The following KDM4C variants were observed in gnomAD, a reference collection of about 807,000 sequenced individuals.
KDM4C encodes lysine demethylase 4C.
In KDM4C, 81 loss-of-function variants were observed where a neutral mutation model predicts 129.3. The observed-to-expected ratio is 0.63, with a 90% confidence interval of 0.52 to 0.75. KDM4C has a LOEUF of 0.75. KDM4C is among the 30% of genes least tolerant of loss of function. The pLI, the probability that KDM4C is intolerant of heterozygous loss-of-function variation, is 0.00. For synonymous variants in KDM4C, 573 were observed against 456.1 expected (o/e 1.26, Z -3.26); for missense variants, 1,457 against 1,304.0 (o/e 1.12, Z -1.81).
intron 19 of KDM4C, among the ~76,000 whole-genome samples, chr9:7,150,943 G>A (rs929884747): frequency 3.3e-5 from 5 of 152,048 alleles, no homozygotes; most frequent in East Asian, 1.9e-4. Flanking sequence ...AACAACCTCC[G>A]TCTCTGGGAC....
chr9:6,842,403 C>T (rs371533012), intron 4 of KDM4C, among the ~76,000 whole-genome samples: 6 of 148,340 alleles, frequency 4.0e-5, no homozygotes, highest in South Asian at 2.1e-4. Context: ...ACTGCAACCT[C>T]GGCTCACTGC....
intron 1 of KDM4C, among the ~76,000 whole-genome samples, chr9:6,759,543 T>C (rs1307081819): frequency 2.0e-5 from 3 of 152,200 alleles, no homozygotes; most frequent in Non-Finnish European, 4.4e-5. Flanking sequence ...AATTTCAGTG[T>C]TATGAAAAGT....
At chr9:6,910,446 A>G (rs535855837) in intron 8 of KDM4C, among the ~76,000 whole-genome samples, 91 of 152,332 alleles carry the variant, frequency 6.0e-4, no homozygotes, top group African/African-American at 2.1e-3. Flanking sequence ...GTCCCTCCAC[A>G]CCAAAATTAG....
intron 8 of KDM4C, among the ~76,000 whole-genome samples, chr9:6,942,833 T>G (rs1826200536): frequency 6.6e-6 from 1 of 152,218 alleles, no homozygotes; most frequent in Non-Finnish European, 1.5e-5. Context: ...AAGGATAGTC[T>G]TAAATGCTGA....
At chr9:7,003,417 A>G (rs1821091315) in intron 12 of KDM4C, among the ~76,000 whole-genome samples, 2 of 150,524 alleles carry the variant, frequency 1.3e-5, no homozygotes, top group Non-Finnish European at 3.0e-5. Context: ...CAGAGGTAGC[A>G]TAATTATCAT....
rs142916010 is a variant in KDM4C at position 7,077,923 on chromosome 9, T to G, written c.2425-25762T>G. Among the ~76,000 whole-genome samples, 8 of 152,324 alleles carry G rather than the reference T, an allele frequency of 5.3e-5. No homozygotes were observed. In the East Asian group the frequency reaches 1.5e-3, roughly 29 times the overall value. ...CTCAGGTGTTTTGGCCAGCAGATAT[T>G]TAGGCTCTGGGATCAAAGACCTCCA... is the stretch of plus-strand genomic sequence containing the variant. On this transcript the variant is annotated intron_variant, in intron 17 of 21. Coordinates refer to ENST00000381309, the MANE Select transcript of KDM4C (RefSeq NM_015061.6).
chr9:6,814,600 T>TA lies in KDM4C; in HGVS notation c.321-31_321-30insA, dbSNP rs748109069. The TA allele has an allele frequency of 5.5e-5, 75 of 1,357,900 alleles. 1 individual carries two copies. The Middle Eastern group carries it at 3.3e-3, about 59-fold the overall frequency. 84.1% of individuals were successfully genotyped at this position (1,357,900 alleles called of 1,614,324 possible). A position where few individuals can be genotyped will look rare whatever the true frequency, so the allele number is the denominator to read the frequency against. ...AAAAACCCTAAAACTGACTTACTGGTTTGTACATTTTTGTCATCTACCTTT... is the reference window on the plus strand; with the variant it reads ...AAAAACCCTAAAACTGACTTACTGGTATTGTACATTTTTGTCATCTACCTTT... On this transcript the variant is annotated intron_variant, in intron 3 of 21. Coordinates refer to ENST00000381309, the MANE Select transcript of KDM4C (RefSeq NM_015061.6).
chr9:6,966,190 CT>C (rs1237045825), intron 8 of KDM4C, among the ~76,000 whole-genome samples: 90 of 147,522 alleles, frequency 6.1e-4, no homozygotes, highest in Non-Finnish European at 7.2e-4. Context: ...ACTCCTAATA[CT>C]TTTTTTTTTT....
chr9:6,971,369 A>G (rs1334181028), intron 8 of KDM4C, among the ~76,000 whole-genome samples: 1 of 152,208 alleles, frequency 6.6e-6, no homozygotes, highest in African/African-American at 2.4e-5. Flanking sequence ...GTGCCTGTGA[A>G]TATGAGGAAA....
intron 4 of KDM4C, among the ~76,000 whole-genome samples, chr9:6,830,384 C>A (rs990336437): frequency 6.6e-6 from 1 of 152,086 alleles, no homozygotes; most frequent in Non-Finnish European, 1.5e-5. Context: ...CTTCCCACAC[C>A]CCAGCATCCT....
At chr9:6,901,134 A>G (rs1374700354) in intron 8 of KDM4C, among the ~76,000 whole-genome samples, 1 of 152,220 alleles carries the variant, frequency 6.6e-6, no homozygotes, top group Non-Finnish European at 1.5e-5. Context: ...ATTACCCAGA[A>G]GAGAAAGCAG....
At chr9:6,746,895 A>G (rs1224784428) in intron 1 of KDM4C, among the ~76,000 whole-genome samples, 3 of 148,214 alleles carry the variant, frequency 2.0e-5, no homozygotes, top group Non-Finnish European at 1.5e-5. Flanking sequence ...AGTCCCAGCT[A>G]CTCGGGAGGC....
At chr9:6,865,891 C>T (rs987141782) in intron 5 of KDM4C, among the ~76,000 whole-genome samples, 1 of 152,130 alleles carries the variant, frequency 6.6e-6, no homozygotes, top group African/African-American at 2.4e-5. Context: ...GCTGGGACTA[C>T]AGGCGCCCGC....
At chr9:7,066,173 A>G (rs1332041805) in intron 17 of KDM4C, among the ~76,000 whole-genome samples, 1 of 152,168 alleles carries the variant, frequency 6.6e-6, no homozygotes, top group Non-Finnish European at 1.5e-5. Flanking sequence ...TCATTCATTT[A>G]TCAGTTTTTT....
chr9:6,915,749 G>C (rs1028775315), intron 8 of KDM4C, among the ~76,000 whole-genome samples: 2 of 152,096 alleles, frequency 1.3e-5, no homozygotes, highest in African/African-American at 4.8e-5. Flanking sequence ...CCAAGGTATA[G>C]CCTTCGAAGA....
chr9:6,839,928 T>G (rs1025012986), intron 4 of KDM4C, among the ~76,000 whole-genome samples: 1 of 149,666 alleles, frequency 6.7e-6, no homozygotes, highest in Non-Finnish European at 1.5e-5. Context: ...TTCACATTAA[T>G]GGGTTAATGA....
chr9:6,794,743 TAAA>T (rs199997608), intron 2 of KDM4C, among the ~76,000 whole-genome samples: 2 of 150,960 alleles, frequency 1.3e-5, no homozygotes, highest in Admixed American at 6.6e-5. Flanking sequence ...ATAATATTCT[TAAA>T]AAAAAATGGT....
intron 18 of KDM4C, among the ~76,000 whole-genome samples, chr9:7,108,055 G>T (rs937394001): frequency 6.6e-6 from 1 of 152,160 alleles, no homozygotes; most frequent in Admixed American, 6.5e-5. Flanking sequence ...ATTCAGAGCA[G>T]TGTTTTTTGT....
intron 4 of KDM4C, among the ~76,000 whole-genome samples, chr9:6,845,633 A>T (rs964131502): frequency 1.3e-5 from 2 of 152,190 alleles, no homozygotes; most frequent in East Asian, 1.9e-4. Flanking sequence ...TCGTGGTCCA[A>T]TTGTGAGTTG....
Sources: allele counts gnomAD v4.1 joint callset (sites outside exome capture counted in the v4.1 genomes callset), GRCh38; gene constraint gnomAD v4.1.1; transcripts MANE v1.5; gene names NCBI Gene and HGNC (gene_info 2026-07-23, HGNC 2026-07-21).